RSRC2: variants seen among roughly 807,000 people sequenced by gnomAD.
RSRC2 encodes the protein arginine/serine-rich coiled-coil protein 2.
In RSRC2, 5 loss-of-function variants were observed where a neutral mutation model predicts 61.3. The ratio of observed to expected loss-of-function variants is 0.08; its 90% confidence interval spans 0.04 to 0.17. The LOEUF is 0.17. RSRC2 is among the 10% of genes least tolerant of loss of function. RSRC2 has a pLI of 1.00. For missense variants in RSRC2, 381 were observed against 518.8 expected, an observed-to-expected ratio of 0.73 and a Z score of 2.58; for synonymous variants, 202 against 166.5, an observed-to-expected ratio of 1.21 and a Z score of -1.64.
At chr12:122,514,475 G>A in intron 6 of RSRC2, 1 of 403,978 alleles carries the variant, frequency 2.5e-6, no homozygotes, top group Non-Finnish European at 3.3e-6. Flanking sequence ...ATGTTGGCCA[G>A]GCTGGTCTCC....
chr12:122,505,754 T>C, intron 9 of RSRC2, 48 bp from the exon 10 acceptor site: 1 of 1,485,306 alleles, frequency 6.7e-7, no homozygotes, highest in Non-Finnish European at 9.2e-7. Context: ...TGGAGATAAA[T>C]ATTCTCTCAC....
intron 1 of RSRC2, chr12:122,522,872 A>G (rs1273777616): frequency 6.6e-6 from 1 of 152,246 alleles, no homozygotes; most frequent in Non-Finnish European, 1.5e-5. Flanking sequence ...TGCTGCTGCA[A>G]AATATGGTCT....
chr12:122,508,131 A>G, intron 8 of RSRC2, 87 bp downstream of exon 8: 2 of 1,240,196 alleles, frequency 1.6e-6, no homozygotes, highest in Non-Finnish European at 2.4e-6. Context: ...AGTTAAGCCG[A>G]AAGTAATATT....
At chr12:122,523,893 CAG>C (rs1455383683) in intron 1 of RSRC2, 2 of 152,120 alleles carry the variant, frequency 1.3e-5, no homozygotes, top group Non-Finnish European at 2.9e-5. Context: ...AAATTAAAAA[CAG>C]AAAGGTTTTG....
intron 6 of RSRC2, among the ~76,000 whole-genome samples, chr12:122,511,763 A>G (rs778846881): frequency 6.6e-6 from 1 of 152,214 alleles, no homozygotes; most frequent in Non-Finnish European, 1.5e-5. Flanking sequence ...CAAATTTATC[A>G]TTTACAAAGG....
At chr12:122,509,456 A>C (rs1009428113) in intron 7 of RSRC2, among the ~76,000 whole-genome samples, 4 of 150,540 alleles carry the variant, frequency 2.7e-5, no homozygotes, top group African/African-American at 9.8e-5. Context: ...TCTCAAAAAA[A>C]AAAACAAAAA....
chr12:122,521,356 G>A, intron 3 of RSRC2, 29 bp downstream of exon 3: 3 of 1,552,958 alleles, frequency 1.9e-6, no homozygotes, highest in Non-Finnish European at 8.9e-7. Flanking sequence ...GTATTTTAAA[G>A]TACCTATTCA....
Position 122,508,420 on chromosome 12 carries a change from T to C in RSRC2, c.833A>G (p.Asn278Ser), listed in dbSNP as rs1277665249. ...TCCTGATGCCAACAGGGCAGCAACA[T>C]TGAGAACAGAACCTCCAGTAGCTGC... Reference protein sequence around the residue: ...AAAATGGSVLNVAALLASGTQ... With the variant: ...AAAATGGSVLSVAALLASGTQ... Residue 278 changes from asparagine (N) to serine (S), a missense_variant, in exon 8 of 10, where the codon AAT (asparagine) becomes AGT (serine). By Grantham distance (46) the Asn-to-Ser change is conservative (BLOSUM62 1). Around this residue, in one of 4 missense-constraint regions of RSRC2, gnomAD observed 26 missense variants for 27.5 expected, o/e 0.95. Coordinates refer to ENST00000331738, the MANE Select transcript of RSRC2 (RefSeq NM_023012.6). 13 of 1,614,092 alleles carry C rather than the reference T, an allele frequency of 8.1e-6. No homozygotes were observed. The highest frequency in any genetic ancestry group is 1.3e-5 in the African/African-American group (1 of 75,030).
In RSRC2 at chr12:122,526,840, G is replaced by A. The variant is rs771181167; in HGVS notation, c.6+8C>T. The A allele has an allele frequency of 2.5e-6, 4 of 1,614,190 alleles. No homozygotes were observed. Among genetic ancestry groups the A allele is most frequent in the Admixed American group, 1.7e-5 (1 of 60,020 alleles). Reference sequence around the variant, plus strand: ...ATCCCTGGCTTTAAACTCAGATTCGGTACCTACCGCCATAGTTCAGAGTCC... The same window carrying A: ...ATCCCTGGCTTTAAACTCAGATTCGATACCTACCGCCATAGTTCAGAGTCC... On this transcript the variant is annotated splice_region_variant and intron_variant, in intron 1 of 9. Coordinates refer to ENST00000331738, the MANE Select transcript of RSRC2 (RefSeq NM_023012.6).
At chr12:122,509,081 T>C (rs999992671) in intron 7 of RSRC2, among the ~76,000 whole-genome samples, 1 of 152,108 alleles carries the variant, frequency 6.6e-6, no homozygotes, top group Non-Finnish European at 1.5e-5. Flanking sequence ...CAATAAAACC[T>C]TGTATTTTTT....
intron 4 of RSRC2, among the ~76,000 whole-genome samples, chr12:122,517,687 G>A (rs1959042077): frequency 6.6e-6 from 1 of 151,856 alleles, no homozygotes; most frequent in African/African-American, 2.4e-5. Context: ...CCAAATTTAA[G>A]CTTCCGTTTA....
intron 5 of RSRC2, 129 bp downstream of exon 5, chr12:122,517,098 G>A (rs1249866705): frequency 7.5e-7 from 1 of 1,332,342 alleles, no homozygotes; most frequent in East Asian, 2.5e-5. Context: ...GTTAGGTAAT[G>A]ACTAAAATAA....
chr12:122,515,967 C>T (rs532897128), intron 5 of RSRC2, among the ~76,000 whole-genome samples: 3 of 152,048 alleles, frequency 2.0e-5, no homozygotes, highest in South Asian at 2.1e-4. Context: ...CCAGCCTGGG[C>T]GACAGAGTGA....
intron 3 of RSRC2, 92 bp from the exon 4 acceptor site, chr12:122,519,121 A>G: frequency 1.0e-6 from 1 of 980,800 alleles, no homozygotes; most frequent in Admixed American, 2.0e-5. Flanking sequence ...GTGATGCAAC[A>G]TTAGTAACCT....
intron 4 of RSRC2, 66 bp from the exon 5 acceptor site, chr12:122,517,496 G>A: frequency 6.3e-7 from 1 of 1,589,916 alleles, no homozygotes; most frequent in East Asian, 2.2e-5. Flanking sequence ...TACACATCAT[G>A]AATTAGTTAC....
At chr12:122,521,470 G>A (rs1420382218) in intron 2 of RSRC2, 42 bp from the exon 3 acceptor site, 2 of 1,546,074 alleles carry the variant, frequency 1.3e-6, no homozygotes, top group Non-Finnish European at 8.9e-7. Flanking sequence ...AACAAAGTTG[G>A]AGAAACATTT....
At position 122,518,850 on chromosome 12, in the gene RSRC2, C is replaced by T. The variant is rs1183591194; in HGVS notation, c.387G>A (p.Arg129=). The change falls in exon 4 of 10, where the codon AGG becomes AGA. Residue 129 remains arginine, a synonymous_variant. Transcript: ENST00000331738. ...ACAACATGACTTACCTTTCACGAGA[C>T]CTAGATCTTGAGTGACTTCTGCCTC... The part of the protein sequence containing the change: ...SSRGRSHSRS[R]SRERRHRSRS... The T allele has an allele frequency of 6.2e-7, 1 of 1,613,758 alleles. No individual in the cohort carries two copies. Among genetic ancestry groups the T allele is most frequent in the Non-Finnish European group, 8.5e-7 (1 of 1,179,732 alleles).
chr12:122,512,605 G>A (rs139018066), intron 6 of RSRC2, among the ~76,000 whole-genome samples: 78 of 151,844 alleles, frequency 5.1e-4, no homozygotes, highest in African/African-American at 1.6e-3. Flanking sequence ...GGTGGTGGGC[G>A]CCTGTAATCT....
At chr12:122,521,315 C>A in intron 3 of RSRC2, 70 bp downstream of exon 3, 1 of 1,191,690 alleles carries the variant, frequency 8.4e-7, no homozygotes. Context: ...GTCTTATATT[C>A]ATACAAATCT....
Sources: gnomAD v4.1 joint callset for allele counts (sites outside exome capture counted in the v4.1 genomes callset) on GRCh38, gnomAD v4.1.1 for gene constraint, gnomAD v4.1.1 regional missense constraint, MANE v1.5 for transcripts, NCBI Gene and HGNC (gene_info 2026-07-23, HGNC 2026-07-21) for gene names.